Variants in UBE3A observed in about 807,000 individuals in gnomAD.
The protein encoded by UBE3A is ubiquitin protein ligase E3A.
UBE3A carries 6 observed loss-of-function variants against 83.4 expected under a neutral mutation model. The ratio of observed to expected loss-of-function variants is 0.07; its 90% CI spans 0.04 to 0.14. UBE3A has a LOEUF of 0.14. Among genes scored for constraint, UBE3A ranks in the 10% least tolerant of loss-of-function variants. The probability of loss-of-function intolerance (pLI) is 1.00; values close to 1 mark genes in which losing one functional copy is unlikely to be tolerated. For synonymous variants in UBE3A, 337 were observed against 355.4 expected, an observed-to-expected ratio of 0.95 and a Z score of 0.58; for missense variants, 456 against 1,036.1, an observed-to-expected ratio of 0.44 and a Z score of 7.69.
intron 11 of UBE3A, among the ~76,000 whole-genome samples, chr15:25,352,950 A>G (rs2076720886): frequency 6.6e-6 from 1 of 152,250 alleles, no homozygotes; most frequent in Non-Finnish European, 1.5e-5. Flanking sequence ...AAAAGCTAGA[A>G]GTAAAATTAA....
At chr15:25,361,447 C>A (rs1230213771) in intron 6 of UBE3A, among the ~76,000 whole-genome samples, 2 of 152,056 alleles carry the variant, frequency 1.3e-5, no homozygotes, top group Non-Finnish European at 2.9e-5. Flanking sequence ...TGTAAGTTAA[C>A]AAACTTTAGT....
chr15:25,402,041 T>C (rs1404580346), intron 4 of UBE3A, among the ~76,000 whole-genome samples: 1 of 152,220 alleles, frequency 6.6e-6, no homozygotes. Flanking sequence ...TATATCTCCA[T>C]TTCTTTATGG....
chr15:25,339,467 C>T (rs1474904295), intron 12 of UBE3A: 3 of 498,180 alleles, frequency 6.0e-6, no homozygotes, highest in Non-Finnish European at 1.0e-5. Context: ...TGATAAGATA[C>T]TGTATCCATT....
rs893581487 is a variant in UBE3A, at chr15:25,384,417, C to T, written c.63-8654G>A. Among the ~76,000 whole-genome samples the T allele has an allele frequency of 5.4e-5, 8 of 148,628 alleles. No homozygotes were observed. In the East Asian group the frequency reaches 1.2e-3, roughly 22 times the overall value. On this transcript the variant is annotated intron_variant, in intron 4 of 12. Transcript: ENST00000648336. ...GCAGAGGTGCAGTGAGCCAAGATCA[C>T]GCCACTCTACTCCAGCCTGGTGACA...
Position 25,337,460 on chromosome 15 carries a change from TGTC to T in UBE3A, c.*1674_*1676del, listed in dbSNP as rs1313499821. ...TACCTTATCACAATATGGAAAGCATTGTCTTCTTTTTCCACTAAATTAAATTAT... is the reference window on the plus strand; with the variant it reads ...TACCTTATCACAATATGGAAAGCATTTTCTTTTTCCACTAAATTAAATTAT... On this transcript the variant is annotated 3_prime_UTR_variant, in exon 13 of 13. Coordinates refer to ENST00000648336, the MANE Select transcript of UBE3A (RefSeq NM_130839.5). 2 of 152,170 alleles carry T rather than the reference TGTC, an allele frequency of 1.3e-5. No homozygotes were observed. The highest frequency in any genetic ancestry group is 1.5e-5 in the Non-Finnish European group (1 of 68,028). The allele number at this position is 152,170 out of a possible 1,614,324, so 9.4% of individuals were successfully genotyped here. A position where few individuals can be genotyped will look rare whatever the true frequency, so the allele number is the denominator to read the frequency against.
At chr15:25,391,896 A>G (rs1292154538) in intron 4 of UBE3A, 2 of 152,234 alleles carry the variant, frequency 1.3e-5, no homozygotes, top group African/African-American at 4.8e-5. Context: ...ACTGTAGATA[A>G]AAACGGATGG....
At chr15:25,376,461 A>T (rs2081236513) in intron 4 of UBE3A, among the ~76,000 whole-genome samples, 1 of 152,132 alleles carries the variant, frequency 6.6e-6, no homozygotes, top group Non-Finnish European at 1.5e-5. Flanking sequence ...AGCCTGGGCA[A>T]CATAGTGAGG....
At chr15:25,429,101 A>G (rs1366472257) in intron 1 of UBE3A, among the ~76,000 whole-genome samples, 9 of 152,336 alleles carry the variant, frequency 5.9e-5, no homozygotes, top group Non-Finnish European at 1.2e-4. Context: ...AAATCAAGCT[A>G]TTGAAAGACA....
intron 1 of UBE3A, among the ~76,000 whole-genome samples, chr15:25,425,286 G>T (rs879434941): frequency 6.6e-6 from 1 of 152,124 alleles, no homozygotes; most frequent in Non-Finnish European, 1.5e-5. Flanking sequence ...AAGCAGATTA[G>T]TGGTTTCCAG....
In UBE3A at chr15:25,337,483, A is replaced by C. The variant is rs954506456; in HGVS notation, c.*1654T>G. ...ATTGTCTTCTTTTTCCACTAAATTA[A>C]ATTATGGTGAAAAGTGCCACAGTTT... On this transcript the variant is annotated 3_prime_UTR_variant, in exon 13 of 13. Coordinates refer to ENST00000648336, the MANE Select transcript of UBE3A (RefSeq NM_130839.5). 25 of 152,262 alleles carry C rather than the reference A, an allele frequency of 1.6e-4. No homozygotes were observed. The highest frequency in any genetic ancestry group is 6.8e-3 in the Middle Eastern group (2 of 294). The allele number at this position is 152,262 out of a possible 1,614,324, so 9.4% of individuals were successfully genotyped here.
chr15:25,427,792 C>A (rs1891815897), intron 1 of UBE3A, among the ~76,000 whole-genome samples: 1 of 37,776 alleles, frequency 2.6e-5, no homozygotes. Flanking sequence ...ACCCTGTCTC[C>A]TGGAAAAAAA....
chr15:25,352,774 T>C (rs2152663837), intron 11 of UBE3A, among the ~76,000 whole-genome samples: 1 of 152,320 alleles, frequency 6.6e-6, no homozygotes, highest in Middle Eastern at 3.4e-3. Flanking sequence ...TTGAGAAAAT[T>C]AAGAAGCTGA....
At chr15:25,418,831 A>T (rs1343200714) in intron 1 of UBE3A, 2 of 152,152 alleles carry the variant, frequency 1.3e-5, no homozygotes, top group Admixed American at 1.3e-4. Context: ...GAGTGAAATT[A>T]GTGAGTCTTT....
intron 5 of UBE3A, chr15:25,375,200 T>G (rs925483642): frequency 1.1e-5 from 5 of 435,674 alleles, no homozygotes; most frequent in African/African-American, 1.0e-4. Flanking sequence ...TCACTACCAC[T>G]TAATACATTT....
chr15:25,344,847 T>C (rs962967678), intron 11 of UBE3A, among the ~76,000 whole-genome samples: 1 of 151,952 alleles, frequency 6.6e-6, no homozygotes, highest in Non-Finnish European at 1.5e-5. Flanking sequence ...CATTTTGCAA[T>C]CCCCAATGAG....
At chr15:25,340,253 G>C (rs760266324) in intron 11 of UBE3A, 25 bp from the exon 12 acceptor site, 3 of 1,608,590 alleles carry the variant, frequency 1.9e-6, no homozygotes, top group Non-Finnish European at 8.5e-7. Context: ...TACAATACTG[G>C]TTTCAGTTTG....
chr15:25,438,039 A>C (rs1263730602), intron 1 of UBE3A: 1 of 152,220 alleles, frequency 6.6e-6, no homozygotes, highest in Admixed American at 6.5e-5. Flanking sequence ...TCCACCCCCA[A>C]AACCCCAACC....
At chr15:25,385,000 C>G (rs1162542684) in intron 4 of UBE3A, among the ~76,000 whole-genome samples, 1 of 152,144 alleles carries the variant, frequency 6.6e-6, no homozygotes, top group Admixed American at 6.5e-5. Context: ...AATTATAAAA[C>G]TACTACAAGA....
intron 1 of UBE3A, chr15:25,421,903 T>C (rs1324444392): frequency 6.6e-6 from 1 of 152,206 alleles, no homozygotes; most frequent in East Asian, 1.9e-4. Context: ...GGCAGTTCCT[T>C]ATACATTTAA....
Sources: gnomAD v4.1 joint callset for allele counts (sites outside exome capture counted in the v4.1 genomes callset) on GRCh38, gnomAD v4.1.1 for gene constraint, MANE v1.5 for transcripts, NCBI Gene and HGNC (gene_info 2026-07-23, HGNC 2026-07-21) for gene names.